Variants in POLR1B observed in about 807,000 individuals in gnomAD.
The protein encoded by POLR1B is RNA polymerase I subunit B.
A neutral mutation model predicts 105.8 loss-of-function variants in POLR1B; 30 were observed. The ratio of observed to expected loss-of-function variants is 0.28; its 90% CI spans 0.21 to 0.38. The LOEUF (loss-of-function observed/expected upper bound fraction) is 0.38. Among genes scored for constraint, POLR1B ranks in the 10% least tolerant of loss-of-function variants. The pLI, the probability that POLR1B is intolerant of heterozygous loss-of-function variation, is 1.00. For synonymous variants in POLR1B, 485 were observed against 505.1 expected, an observed-to-expected ratio of 0.96 and a Z score of 0.53; for missense variants, 976 against 1,435.8, an observed-to-expected ratio of 0.68 and a Z score of 5.17.
At chr2:112,549,445 A>AC in intron 4 of POLR1B, 46 bp downstream of exon 4, 1 of 1,456,738 alleles carries the variant, frequency 6.9e-7, no homozygotes, top group Admixed American at 2.6e-5. Context: ...AAAATTTAAA[A>AC]CTTTTTTTTT....
intron 12 of POLR1B, among the ~76,000 whole-genome samples, chr2:112,571,841 G>A (rs1016036130): frequency 1.3e-5 from 2 of 152,160 alleles, no homozygotes; most frequent in African/African-American, 4.8e-5. Context: ...TTCACCCAGT[G>A]TGTTCCTTTT....
Position 112,549,250 on chromosome 2 carries a change from A to G in POLR1B, c.493-17A>G, listed in dbSNP as rs62158585. On this transcript the variant is annotated splice_polypyrimidine_tract_variant and intron_variant, in intron 3 of 14. Transcript: ENST00000263331. ...ATGTATCTTTGTTTAACAAGTTGCA[A>G]TTCATCTTTTTGGCAGGAAATGGGG... 0.11 allele frequency: 175,629 copies of G among 1,610,540 alleles called. 12,187 individuals are homozygous for G. Among genetic ancestry groups the G allele is most frequent in the East Asian group, 0.32 (14,430 of 44,794 alleles).
chr2:112,549,622 C>G (rs553044315), intron 4 of POLR1B, among the ~76,000 whole-genome samples: 1 of 151,542 alleles, frequency 6.6e-6, no homozygotes, highest in East Asian at 1.9e-4. Flanking sequence ...CATGCATGAG[C>G]CACCGTGTCT....
chr2:112,559,237 C>T (rs1683829761), intron 8 of POLR1B, 56 bp from the exon 9 acceptor site: 1 of 1,592,390 alleles, frequency 6.3e-7, no homozygotes, highest in African/African-American at 1.3e-5. Flanking sequence ...AAAGCCTCAA[C>T]AATTTCCATT....
intron 1 of POLR1B, among the ~76,000 whole-genome samples, chr2:112,545,054 G>T (rs544490512): frequency 6.6e-6 from 1 of 152,132 alleles, no homozygotes; most frequent in Non-Finnish European, 1.5e-5. Context: ...TATAAACAGA[G>T]GTTGTCTTCA....
Position 112,562,758 on chromosome 2 carries a change from C to T in POLR1B, c.1613-1608C>T, listed in dbSNP as rs1170034067. 1.8e-4 allele frequency among the ~76,000 whole-genome samples: 21 copies of T among 118,796 alleles called. 1 individual carries two copies. The highest frequency in any genetic ancestry group is 7.6e-3 in the Middle Eastern group (1 of 132). 77.9% of individuals were successfully genotyped at this position (118,796 alleles called of 152,430 possible). A position where few individuals can be genotyped will look rare whatever the true frequency, so the allele number is the denominator to read the frequency against. ...TTTTTTTTTTTTTGCGACGGAGTTT[C>T]GCTCTTGCCCAGGCTGGAGTGCAGT... On this transcript the variant is annotated intron_variant, in intron 9 of 14. Coordinates refer to ENST00000263331, the MANE Select transcript of POLR1B (RefSeq NM_019014.6).
At chr2:112,567,667 C>T (rs574673446) in intron 10 of POLR1B, among the ~76,000 whole-genome samples, 2 of 152,220 alleles carry the variant, frequency 1.3e-5, no homozygotes, top group South Asian at 2.1e-4. Flanking sequence ...GTATAAGCCA[C>T]CCCCGGCCCA....
In POLR1B at chr2:112,578,986, T is replaced by A. The variant is rs183770570; in HGVS notation, c.*3257T>A. Among the ~76,000 whole-genome samples the A allele has an allele frequency of 6.6e-6, 1 of 152,104 alleles. No homozygotes were observed. The highest frequency in any genetic ancestry group is 2.4e-5 in the African/African-American group (1 of 41,508). ...ACTTTGGCAGGCTGAGGTGTGCAGA[T>A]CACTTGAGGTCAGGAGTTTGAGACC... is the stretch of plus-strand genomic sequence containing the variant. On this transcript the variant is annotated 3_prime_UTR_variant, in exon 15 of 15. Coordinates refer to ENST00000263331, the MANE Select transcript of POLR1B (RefSeq NM_019014.6).
At position 112,568,147 on chromosome 2, in the gene POLR1B, T is replaced by C. The variant is rs764314664; in HGVS notation, c.1917+10T>C. On this transcript the variant is annotated intron_variant, in intron 11 of 14. Coordinates refer to ENST00000263331, the MANE Select transcript of POLR1B (RefSeq NM_019014.6). ...TGGAACTATGGAACAGGTAAATACA[T>C]ATGTGTGATGGATGAGTGTATGTGC... 6 of 1,608,560 alleles carry C rather than the reference T, an allele frequency of 3.7e-6. No individual in the cohort carries two copies. In the South Asian group the frequency reaches 6.6e-5, roughly 18 times the overall value.
intron 8 of POLR1B, 91 bp downstream of exon 8, chr2:112,558,172 A>G: frequency 9.5e-6 from 10 of 1,055,278 alleles, no homozygotes; most frequent in Non-Finnish European, 1.2e-5. Flanking sequence ...TTAAAAGCAA[A>G]CCCCACGAAA....
chr2:112,559,669 C>T (rs1035716075), intron 9 of POLR1B, 95 bp downstream of exon 9: 16 of 1,449,484 alleles, frequency 1.1e-5, no homozygotes, highest in Admixed American at 7.7e-5. Context: ...GTTGCTATGT[C>T]GCCCAGGCTG....
intron 9 of POLR1B, among the ~76,000 whole-genome samples, chr2:112,563,696 G>A (rs946739228): frequency 2.6e-5 from 4 of 151,872 alleles, no homozygotes; most frequent in Admixed American, 6.6e-5. Flanking sequence ...CCAGGAGTTC[G>A]AGACCAGCCT....
chr2:112,567,426 C>T (rs760517389), intron 10 of POLR1B, among the ~76,000 whole-genome samples: 6 of 152,058 alleles, frequency 3.9e-5, no homozygotes, highest in Non-Finnish European at 8.8e-5. Context: ...GTCACCCAGG[C>T]TGGAGTGCAG....
At position 112,551,795 on chromosome 2, in the gene POLR1B, T is replaced by G; in HGVS notation, c.783T>G (p.Asp261Glu). ...FALKALVSFS[D>E]YQIFQELIKG... ...TCTAGGCACTTGTCAGCTTTTCTGA[T>G]TATCAGATCTTTCAGGAGCTCATCA... Residue 261 changes from aspartate to glutamate, a missense_variant, in exon 6 of 15, where the codon GAT becomes GAG. Physicochemically the swap from Asp to Glu is conservative, Grantham distance 45. This residue lies in a region of POLR1B where 452 missense variants were observed against 616.5 expected (regional missense o/e 0.73). Transcript: ENST00000263331. The G allele has an allele frequency of 6.2e-7, 1 of 1,613,834 alleles. No homozygotes were observed. Among genetic ancestry groups the G allele is most frequent in the Non-Finnish European group, 8.5e-7 (1 of 1,179,844 alleles).
At chr2:112,542,973 T>A (rs1206045008) in intron 1 of POLR1B, among the ~76,000 whole-genome samples, 1 of 152,218 alleles carries the variant, frequency 6.6e-6, no homozygotes. Flanking sequence ...TGCTTCACAA[T>A]GCACACGGCT....
Position 112,567,879 on chromosome 2 carries a change from A to G in POLR1B, c.1747-88A>G, listed in dbSNP as rs377300981. 7.0e-5 allele frequency: 79 copies of G among 1,123,256 alleles called. 1 individual carries two copies. In the South Asian group the frequency reaches 1.1e-3, roughly 15 times the overall value. The allele number at this position is 1,123,256 out of a possible 1,614,324, so 69.6% of individuals were successfully genotyped here. A position where few individuals can be genotyped will look rare whatever the true frequency, so the allele number is the denominator to read the frequency against. Reference sequence around the variant, plus strand: ...GGGCTTTTACCATGGCTGAGTGTGGATGAGTGGTATTCCATGGGGCATAAG... The same window carrying G: ...GGGCTTTTACCATGGCTGAGTGTGGGTGAGTGGTATTCCATGGGGCATAAG... On this transcript the variant is annotated intron_variant, in intron 10 of 14. Coordinates refer to ENST00000263331, the MANE Select transcript of POLR1B (RefSeq NM_019014.6).
intron 7 of POLR1B, among the ~76,000 whole-genome samples, chr2:112,557,268 C>G (rs949831358): frequency 1.3e-5 from 2 of 152,210 alleles, no homozygotes; most frequent in Non-Finnish European, 2.9e-5. Context: ...TGTATTCAAC[C>G]TACATTGCTG....
intron 9 of POLR1B, among the ~76,000 whole-genome samples, chr2:112,560,183 T>C (rs762046016): frequency 2.0e-5 from 3 of 151,678 alleles, no homozygotes; most frequent in Non-Finnish European, 4.4e-5. Flanking sequence ...GAGGCTGCAG[T>C]GAGCTGTGAT....
chr2:112,578,549 T>C lies in POLR1B; in HGVS notation c.*2820T>C, dbSNP rs1044108395. 9.2e-5 allele frequency among the ~76,000 whole-genome samples: 14 copies of C among 152,176 alleles called. No homozygotes were observed. The highest frequency in any genetic ancestry group is 1.6e-4 in the Non-Finnish European group (11 of 68,030). The stretch of plus-strand genomic sequence containing the variant: ...CCATAGTATGAATATACTATGTACA[T>C]AGCATATATATTTATAGTTTAACCA... On this transcript the variant is annotated 3_prime_UTR_variant, in exon 15 of 15. Coordinates refer to ENST00000263331, the MANE Select transcript of POLR1B (RefSeq NM_019014.6).
Sources: allele counts gnomAD v4.1 joint callset (sites outside exome capture counted in the v4.1 genomes callset), GRCh38; gene constraint gnomAD v4.1.1; regional missense constraint gnomAD v4.1.1; transcripts MANE v1.5; gene names NCBI Gene and HGNC (gene_info 2026-07-23, HGNC 2026-07-21).